Variants in SMAD9 observed in about 807,000 individuals in gnomAD.
SMAD9 encodes the protein MAD homolog 9.
In SMAD9, 36 loss-of-function variants were observed where a neutral mutation model predicts 46.1. The observed-to-expected ratio is 0.78, with a 90% CI of 0.60 to 1.03. The LOEUF (loss-of-function observed/expected upper bound fraction) is 1.03. SMAD9 is among the 50% of genes least tolerant of loss of function. The pLI is 0.00. For synonymous variants in SMAD9, 245 were observed against 237.1 expected, an observed-to-expected ratio of 1.03 and a Z score of -0.31; for missense variants, 572 against 599.8, an observed-to-expected ratio of 0.95 and a Z score of 0.48.
intron 1 of SMAD9, among the ~76,000 whole-genome samples, chr13:36,919,076 A>C (rs1462610372): frequency 2.0e-5 from 3 of 152,228 alleles, no homozygotes; most frequent in African/African-American, 7.2e-5. Context: ...CTACTGGGTA[A>C]AGAATTTACA....
intron 1 of SMAD9, among the ~76,000 whole-genome samples, chr13:36,905,041 G>T (rs554410552): frequency 6.6e-6 from 1 of 152,190 alleles, no homozygotes; most frequent in Non-Finnish European, 1.5e-5. Context: ...GAGGGAAGAC[G>T]GAGATGATTT....
At chr13:36,905,233 C>T (rs1296054872) in intron 1 of SMAD9, among the ~76,000 whole-genome samples, 1 of 152,116 alleles carries the variant, frequency 6.6e-6, no homozygotes, top group Admixed American at 6.6e-5. Context: ...GTTGAGAAAC[C>T]CTCATCTAGA....
At position 36,865,386 on chromosome 13, in the gene SMAD9, G is replaced by A. The variant is rs1162825694; in HGVS notation, c.1003+151C>T. 4.4e-6 allele frequency: 3 copies of A among 685,566 alleles called. 1 individual carries two copies. The highest frequency in any genetic ancestry group is 8.0e-6 in the Non-Finnish European group (3 of 373,684). 42.5% of individuals were successfully genotyped at this position (685,566 alleles called of 1,614,324 possible). On this transcript the variant is annotated intron_variant, in intron 5 of 6. Coordinates refer to ENST00000379826, the MANE Select transcript of SMAD9 (RefSeq NM_001127217.3). ...GACAACCTATGTGCTTTCCCCAGTG[G>A]TAATGTCAGAGCTATCTCAGAGCTC... is the stretch of plus-strand genomic sequence containing the variant.
At chr13:36,914,493 T>C (rs1275709012) in intron 1 of SMAD9, among the ~76,000 whole-genome samples, 1 of 152,106 alleles carries the variant, frequency 6.6e-6, no homozygotes, top group Non-Finnish European at 1.5e-5. Flanking sequence ...CACTCCAGCC[T>C]GGGCGACAGA....
chr13:36,916,934 T>C (rs1296899539), intron 1 of SMAD9, among the ~76,000 whole-genome samples: 8 of 151,748 alleles, frequency 5.3e-5, no homozygotes, highest in Non-Finnish European at 1.0e-4. Flanking sequence ...AGCCAGGGTA[T>C]GCATGGAAAC....
intron 2 of SMAD9, among the ~76,000 whole-genome samples, chr13:36,873,384 C>T (rs2058315375): frequency 6.6e-6 from 1 of 152,016 alleles, no homozygotes; most frequent in African/African-American, 2.4e-5. Context: ...CTAAGTGATC[C>T]CCAGAATATT....
chr13:36,851,842 G>A (rs2058077271), intron 6 of SMAD9: 1 of 980,976 alleles, frequency 1.0e-6, no homozygotes, highest in Non-Finnish European at 1.2e-6. Context: ...TGTAAATGCT[G>A]CCTATCTGAG....
chr13:36,878,771 C>T (rs747063935), intron 2 of SMAD9, among the ~76,000 whole-genome samples: 5 of 151,972 alleles, frequency 3.3e-5, no homozygotes, highest in Non-Finnish European at 7.4e-5. Context: ...TTTTACAGCT[C>T]ATCATTATCA....
chr13:36,879,960 A>C, intron 1 of SMAD9, 85 bp from the exon 2 acceptor site: 1 of 491,838 alleles, frequency 2.0e-6, no homozygotes, highest in Non-Finnish European at 3.7e-6. Context: ...GGCAATCTAC[A>C]CCTACAGTCC....
At chr13:36,894,724 T>C (rs1254397050) in intron 1 of SMAD9, among the ~76,000 whole-genome samples, 1 of 152,108 alleles carries the variant, frequency 6.6e-6, no homozygotes, top group Non-Finnish European at 1.5e-5. Context: ...GTACTTATCA[T>C]ATGTCACTTA....
chr13:36,886,976 G>C (rs570845539), intron 1 of SMAD9, among the ~76,000 whole-genome samples: 160 of 152,104 alleles, frequency 1.1e-3, no homozygotes, highest in African/African-American at 3.8e-3. Context: ...TGTCCTGCTG[G>C]AGCTGGAAAG....
rs542714883 is a variant in SMAD9 at position 36,915,209 on chromosome 13, A to G, written c.-187+4907T>C. Among the ~76,000 whole-genome samples the G allele has an allele frequency of 5.1e-4, 77 of 152,308 alleles. 1 individual carries two copies. Among genetic ancestry groups the G allele is most frequent in the African/African-American group, 1.7e-3 (70 of 41,576 alleles). Reference sequence around the variant, plus strand: ...CAGAATCCTCAACTCAGAATCCCCAATGTCACCAACACGTTTGAATGGCCG... The same window carrying G: ...CAGAATCCTCAACTCAGAATCCCCAGTGTCACCAACACGTTTGAATGGCCG... On this transcript the variant is annotated intron_variant, in intron 1 of 6. Coordinates refer to ENST00000379826, the MANE Select transcript of SMAD9 (RefSeq NM_001127217.3).
intron 1 of SMAD9, among the ~76,000 whole-genome samples, chr13:36,896,452 A>G (rs1282385887): frequency 1.3e-5 from 2 of 152,070 alleles, no homozygotes; most frequent in African/African-American, 2.4e-5. Flanking sequence ...TTTACTAAAC[A>G]TCCTTCAAAA....
intron 1 of SMAD9, among the ~76,000 whole-genome samples, chr13:36,893,044 T>G (rs1239728320): frequency 6.6e-6 from 1 of 152,184 alleles, no homozygotes; most frequent in Non-Finnish European, 1.5e-5. Flanking sequence ...ATGTGAATAA[T>G]AAGAATTTAT....
chr13:36,889,220 G>A (rs145955921), intron 1 of SMAD9, among the ~76,000 whole-genome samples: 5 of 152,146 alleles, frequency 3.3e-5, no homozygotes, highest in African/African-American at 1.2e-4. Flanking sequence ...GTGTCTCTGG[G>A]GTGCCCACAT....
At chr13:36,908,467 A>G (rs530501529) in intron 1 of SMAD9, among the ~76,000 whole-genome samples, 1 of 152,372 alleles carries the variant, frequency 6.6e-6, no homozygotes, top group East Asian at 1.9e-4. Flanking sequence ...TCAATTGAAA[A>G]GTTCACAAAA....
chr13:36,858,459 T>A (rs185213319), intron 5 of SMAD9, among the ~76,000 whole-genome samples: 1 of 152,236 alleles, frequency 6.6e-6, no homozygotes, highest in Non-Finnish European at 1.5e-5. Flanking sequence ...TCTGGGCTGA[T>A]AGCAAGGCTG....
intron 6 of SMAD9, among the ~76,000 whole-genome samples, chr13:36,851,301 G>C (rs1407097339): frequency 6.6e-6 from 1 of 152,070 alleles, no homozygotes; most frequent in Non-Finnish European, 1.5e-5. Flanking sequence ...GTATGCTGTT[G>C]CCTTGCTCTT....
intron 2 of SMAD9, among the ~76,000 whole-genome samples, chr13:36,874,288 T>C (rs1277365772): frequency 6.6e-6 from 1 of 152,216 alleles, no homozygotes; most frequent in East Asian, 1.9e-4. Flanking sequence ...CTTTCCATCT[T>C]GAATTTCAAA....
Sources: allele counts gnomAD v4.1 joint callset (sites outside exome capture counted in the v4.1 genomes callset), GRCh38; gene constraint gnomAD v4.1.1; transcripts MANE v1.5; gene names NCBI Gene and HGNC (gene_info 2026-07-23, HGNC 2026-07-21).